Variants in SIGLEC12 observed in about 807,000 individuals in gnomAD.
SIGLEC12 encodes the protein sialic acid-binding Ig-like lectin 12.
Under a neutral mutation model 54.1 loss-of-function variants are expected in SIGLEC12, and 43 were observed. The observed-to-expected ratio is 0.80, with a 90% CI of 0.62 to 1.03. The LOEUF (loss-of-function observed/expected upper bound fraction) is 1.03. Among genes scored for constraint, SIGLEC12 ranks in the 50% least tolerant of loss-of-function variants. The pLI is 0.00. For missense variants in SIGLEC12, 802 were observed against 735.2 expected (o/e 1.09, Z -1.05); for synonymous variants, 357 against 307.6 (o/e 1.16, Z -1.68).
At position 51,499,504 on chromosome 19, in the gene SIGLEC12, T is replaced by C; in HGVS notation, c.1021A>G (p.Thr341Ala). 6.2e-7 allele frequency: 1 copy of C among 1,608,716 alleles called. No homozygotes were observed. Among genetic ancestry groups the C allele is most frequent in the Non-Finnish European group, 8.5e-7 (1 of 1,177,498 alleles). ...PQPQDHGTSL[T>A]CQVTLPGAGV... ...GCCCCAGGCAAGGTCACCTGACAGGTGAGGCTGGTGCCATGGTCCTGGGGC... is the reference window on the plus strand; with the variant it reads ...GCCCCAGGCAAGGTCACCTGACAGGCGAGGCTGGTGCCATGGTCCTGGGGC... Residue 341 changes from threonine to alanine, a missense_variant, in exon 3 of 8, where the codon ACC becomes GCC. Physicochemically the swap from Thr to Ala is moderately conservative, Grantham distance 58. Transcript: ENST00000291707.
chr19:51,501,771 C>T lies in SIGLEC12; in HGVS notation c.-38G>A. 1 of 1,545,196 alleles carries T rather than the reference C, an allele frequency of 6.5e-7. No individual in the cohort carries two copies. Among genetic ancestry groups the T allele is most frequent in the Non-Finnish European group, 8.7e-7 (1 of 1,143,694 alleles). ...AGGTGCCAGGGTTGCTGAGGTAAGT[C>T]TGTTCCTCAGGGTTCTTCTCTCAGG... On this transcript the variant is annotated 5_prime_UTR_variant, in exon 1 of 8. Transcript: ENST00000291707.
chr19:51,495,413 G>GTGGA (rs1276089932), intron 7 of SIGLEC12, among the ~76,000 whole-genome samples: 713 of 41,090 alleles, frequency 0.017, 41 homozygotes, highest in African/African-American at 0.049. Context: ...GGGTGGGTGG[G>GTGGA]TGGATGGATG....
rs752878437 is a variant in SIGLEC12 at position 51,491,791 on chromosome 19, TG to T, written c.1637del (p.Pro546HisfsTer60). ...LIESPADDSP[P>X]HHAPPALATP... ...TGGCCAGGGCTGGCGGAGCATGGTG[TG>T]GGGGGCTGTCATCTGCCGGGGATTC... On this transcript the variant is annotated frameshift_variant, in exon 8 of 8. Coordinates refer to ENST00000291707, the MANE Select transcript of SIGLEC12 (RefSeq NM_053003.4). LOFTEE classifies it low-confidence loss of function (END_TRUNC). The T allele has an allele frequency of 6.3e-6, 10 of 1,597,302 alleles. No homozygotes were observed. In the East Asian group the frequency reaches 1.3e-4, roughly 21 times the overall value.
chr19:51,498,283 G>T lies in SIGLEC12; in HGVS notation c.1140C>A (p.Ser380=). The T allele has an allele frequency of 1.2e-6, 2 of 1,601,904 alleles. No individual in the cohort carries two copies. Residue 380 remains serine, a synonymous_variant, in exon 5 of 8, where the codon TCC becomes TCA. Coordinates refer to ENST00000291707, the MANE Select transcript of SIGLEC12 (RefSeq NM_053003.4). The part of the protein sequence containing the change: ...MTVFQGDGTA[S]TTLRNGSALS... ...GGGCCGAGCCATTCCTCAAGGTTGTGGATGCTGTAGAGAAAGAGACAGAAG... is the reference window on the plus strand; with the variant it reads ...GGGCCGAGCCATTCCTCAAGGTTGTTGATGCTGTAGAGAAAGAGACAGAAG...
At position 51,499,551 on chromosome 19, in the gene SIGLEC12, G is replaced by T. The variant is rs149053840; in HGVS notation, c.974C>A (p.Ser325Ter). 1 of 1,611,306 alleles carries T rather than the reference G, an allele frequency of 6.2e-7. No homozygotes were observed. Among genetic ancestry groups the T allele is most frequent in the Non-Finnish European group, 8.5e-7 (1 of 1,178,724 alleles). Reference sequence around the variant, plus strand: ...GGGCTGTGGGATGAGGCTGAGCATCGAGGAGCGAGTGATAGTGGGGTCCAG... The same window carrying T: ...GGGCTGTGGGATGAGGCTGAGCATCTAGGAGCGAGTGATAGTGGGGTCCAG... ...SSLDPTITRS[S>*]MLSLIPQPQD... Residue 325 changes from serine (S) to a stop codon, truncating the protein, a stop_gained, in exon 3 of 8, where the codon TCG becomes TAG. Transcript: ENST00000291707. LOFTEE classifies it high-confidence loss of function.
chr19:51,497,032 A>C, intron 6 of SIGLEC12, 56 bp from the exon 7 acceptor site: 1 of 1,611,566 alleles, frequency 6.2e-7, no homozygotes, highest in South Asian at 1.1e-5. Flanking sequence ...TGCAGTGGGC[A>C]GACCAACCCC....
chr19:51,500,237 C>T lies in SIGLEC12; in HGVS notation c.491G>A (p.Gly164Asp), dbSNP rs757255714. 4.3e-6 allele frequency: 7 copies of T among 1,614,062 alleles called. No individual in the cohort carries two copies. The highest frequency in any genetic ancestry group is 5.9e-6 in the Non-Finnish European group (7 of 1,180,028). Residue 164 changes from glycine to aspartate, a missense_variant, in exon 2 of 8, where the codon GGT (glycine) becomes GAT (aspartate). Transcript: ENST00000291707. ...EVPESVTVQE[G>D]LCVSVPCSVL... ...ACTGCAGGGCACAGAGACACACAGA[C>T]CCTCCTGCACAGTCACCGACTCTGG...
rs1301555272 is a variant in SIGLEC12 at position 51,498,119 on chromosome 19, C to T, written c.1304G>A (p.Arg435Gln). ...TTCCCCTTCATCCTTCACATGCACT[C>T]GAGGCAGCTCCAGCACCCCAAGGTT... Reference protein sequence around the residue: ...SSNLGVLELPRVHVKDEGEFT... With the variant: ...SSNLGVLELPQVHVKDEGEFT... The change falls in exon 5 of 8, where the codon CGA becomes CAA. Residue 435 changes from arginine to glutamine, a missense_variant. By Grantham distance (43) the Arg-to-Gln change is conservative (BLOSUM62 1). Coordinates refer to ENST00000291707, the MANE Select transcript of SIGLEC12 (RefSeq NM_053003.4). 4 of 1,614,096 alleles carry T rather than the reference C, an allele frequency of 2.5e-6. No homozygotes were observed. Among genetic ancestry groups the T allele is most frequent in the Non-Finnish European group, 2.5e-6 (3 of 1,180,046 alleles).
chr19:51,497,293 T>C (rs1990267254), intron 6 of SIGLEC12, 56 bp downstream of exon 6: 1 of 1,507,394 alleles, frequency 6.6e-7, no homozygotes, highest in Non-Finnish European at 9.2e-7. Flanking sequence ...GCTTCAGGGA[T>C]TTTGTTCCCA....
intron 3 of SIGLEC12, 61 bp downstream of exon 3, chr19:51,499,377 A>T: frequency 1.3e-6 from 2 of 1,545,616 alleles, no homozygotes; most frequent in Admixed American, 2.0e-5. Flanking sequence ...TCTGGGTCCC[A>T]CATCCAACTG....
rs769103130 is a variant in SIGLEC12 at position 51,499,477 on chromosome 19, C to T, written c.1048G>A (p.Gly350Ser). The T allele has an allele frequency of 3.6e-5, 58 of 1,603,358 alleles. No homozygotes were observed. The highest frequency in any genetic ancestry group is 5.6e-5 in the South Asian group (5 of 89,604). Reference protein sequence around the residue: ...LTCQVTLPGAGVTMTRAVRLN... With the variant: ...LTCQVTLPGASVTMTRAVRLN... Reference sequence around the variant, plus strand: ...CGGACAGCCCTGGTCATGGTCACGCCGGCCCCAGGCAAGGTCACCTGACAG... The same window carrying T: ...CGGACAGCCCTGGTCATGGTCACGCTGGCCCCAGGCAAGGTCACCTGACAG... Residue 350 changes from glycine to serine, a missense_variant, in exon 3 of 8, where the codon GGC (glycine) becomes AGC (serine). Coordinates refer to ENST00000291707, the MANE Select transcript of SIGLEC12 (RefSeq NM_053003.4).
rs746286400 is a variant in SIGLEC12 at position 51,497,422 on chromosome 19, C to G, written c.1429G>C (p.Val477Leu). Residue 477 changes from valine to leucine, a missense_variant, in exon 6 of 8, where the codon GTG becomes CTG. Transcript: ENST00000291707. ...GCTCCCCCGAATGCCCCTAGCGTCA[C>G]TCCTGATATAGGCCTCATTTTGCCT... ...YTGKMRPISG[V>L]TLGAFGGAGA... The G allele has an allele frequency of 5.0e-6, 8 of 1,612,268 alleles. No homozygotes were observed. The highest frequency in any genetic ancestry group is 1.1e-5 in the South Asian group (1 of 91,042).
At chr19:51,501,206 C>G in intron 1 of SIGLEC12, 101 bp downstream of exon 1, 1 of 1,283,602 alleles carries the variant, frequency 7.8e-7, no homozygotes, top group Non-Finnish European at 1.1e-6. Flanking sequence ...CCCCTGAGTC[C>G]ATCACCCCCG....
At chr19:51,497,209 T>A in intron 6 of SIGLEC12, 140 bp downstream of exon 6, 3 of 908,044 alleles carry the variant, frequency 3.3e-6, no homozygotes, top group Non-Finnish European at 5.1e-6. Context: ...CTCATGAAAT[T>A]CTTACCATGC....
At chr19:51,495,350 T>C (rs866995321) in intron 7 of SIGLEC12, among the ~76,000 whole-genome samples, 301 of 61,950 alleles carry the variant, frequency 4.9e-3, no homozygotes, top group African/African-American at 8.5e-3. Flanking sequence ...GATGGATGGA[T>C]GGACAGACGG....
rs371419669 is a variant in SIGLEC12, at chr19:51,501,739, G to T, written c.-6C>A. ...AGTAGCAGCAGCAGTAGCATGTGTC[G>T]GGTTGGAGGTGCCAGGGTTGCTGAG... is the stretch of plus-strand genomic sequence containing the variant. On this transcript the variant is annotated 5_prime_UTR_variant, in exon 1 of 8. Coordinates refer to ENST00000291707, the MANE Select transcript of SIGLEC12 (RefSeq NM_053003.4). 1.2e-3 allele frequency: 1,914 copies of T among 1,593,758 alleles called. 29 individuals are homozygous for T. Among genetic ancestry groups the T allele is most frequent in the Middle Eastern group, 5.2e-3 (31 of 5,982 alleles).
intron 5 of SIGLEC12, 41 bp from the exon 6 acceptor site, chr19:51,497,486 G>T (rs2122216344): frequency 6.8e-7 from 1 of 1,477,732 alleles, no homozygotes; most frequent in African/African-American, 1.4e-5. Context: ...TACCCTCCAA[G>T]AACTGGGCCT....
rs751737710 is a variant in SIGLEC12, at chr19:51,500,036, C to G, written c.692G>C (p.Cys231Ser). The G allele has an allele frequency of 4.3e-6, 7 of 1,614,172 alleles. 1 individual carries two copies. The South Asian group carries it at 7.7e-5, about 18-fold the overall frequency. Residue 231 changes from cysteine to serine, a missense_variant, in exon 2 of 8, where the codon TGC (cysteine) becomes TCC (serine). Coordinates refer to ENST00000291707, the MANE Select transcript of SIGLEC12 (RefSeq NM_053003.4). The stretch of plus-strand genomic sequence containing the variant: ...CCTGGCATCTCTGATGCTCAGGGAG[C>G]AGTTGTTGGTCTGTGGGTCCCCAAG... ...LLLGDPQTNN[C>S]SLSIRDARKG... is the part of the protein sequence containing the mutation.
rs996597904 is a variant in SIGLEC12 at position 51,496,899 on chromosome 19, A to T, written c.1580T>A (p.Val527Asp). The part of the protein sequence containing the change: ...GDTGMEDANA[V>D]RGSASQGPLI... The stretch of plus-strand genomic sequence containing the variant: ...ACTCACCTGAGAGGCTGAGCCCCTG[A>T]CAGCGTTTGCGTCCTCCATGCCTGT... The change falls in exon 7 of 8, where the codon GTC becomes GAC. Residue 527 changes from valine to aspartate, a missense_variant. Val to Asp is a radical substitution (Grantham distance 152). Transcript: ENST00000291707. 1 of 1,614,048 alleles carries T rather than the reference A, an allele frequency of 6.2e-7. No individual in the cohort carries two copies. Among genetic ancestry groups the T allele is most frequent in the African/African-American group, 1.3e-5 (1 of 75,044 alleles).
Sources: allele counts gnomAD v4.1 joint callset (sites outside exome capture counted in the v4.1 genomes callset), GRCh38; gene constraint gnomAD v4.1.1; transcripts MANE v1.5; gene names NCBI Gene and HGNC (gene_info 2026-07-23, HGNC 2026-07-21).